The following ATRN variants were observed in gnomAD, a reference collection of about 807,000 sequenced individuals.
The protein encoded by ATRN is attractin, also known as attractin-2.
ATRN carries 54 observed loss-of-function variants against 178.7 expected under a neutral mutation model. The observed-to-expected ratio is 0.30, with a 90% CI of 0.24 to 0.38. The LOEUF (loss-of-function observed/expected upper bound fraction) is 0.38, where lower values mean the gene tolerates loss of function less well. Among genes scored for constraint, ATRN ranks in the 10% least tolerant of loss-of-function variants. The pLI is 1.00. For missense variants in ATRN, 1,443 were observed against 1,815.1 expected (o/e 0.79, Z 3.73); for synonymous variants, 636 against 663.0 (o/e 0.96, Z 0.63).
chr20:3,519,870 AG>A (rs1390541818), intron 1 of ATRN, among the ~76,000 whole-genome samples: 5 of 152,260 alleles, frequency 3.3e-5, no homozygotes, highest in African/African-American at 1.2e-4. Context: ...AGCTACTGAG[AG>A]AAAAATGACT....
intron 3 of ATRN, 132 bp from the exon 4 acceptor site, chr20:3,545,630 A>G (rs1483385202): frequency 3.3e-5 from 37 of 1,125,734 alleles, no homozygotes; most frequent in Non-Finnish European, 4.5e-5. Context: ...TGTGTTTATC[A>G]CAGGAATTTG....
chr20:3,599,163 A>G (rs551915822), intron 22 of ATRN, among the ~76,000 whole-genome samples: 8 of 152,300 alleles, frequency 5.3e-5, no homozygotes, highest in African/African-American at 1.2e-4. Flanking sequence ...TGGAAAAACT[A>G]TAGGTATTAA....
chr20:3,646,923 G>A lies in ATRN; in HGVS notation c.*76G>A, dbSNP rs776187548. The A allele has an allele frequency of 4.3e-5, 68 of 1,571,648 alleles. No homozygotes were observed. Among genetic ancestry groups the A allele is most frequent in the Non-Finnish European group, 4.8e-5 (55 of 1,157,642 alleles). ...AGCCATCTGCAGGGAAGGGCGTGGC[G>A]GGGAAATGGCTGTGCGGTGCGGGAC... On this transcript the variant is annotated 3_prime_UTR_variant, in exon 29 of 29. Transcript: ENST00000262919.
intron 18 of ATRN, among the ~76,000 whole-genome samples, chr20:3,586,308 G>A (rs1054168566): frequency 2.0e-5 from 3 of 152,218 alleles, no homozygotes; most frequent in Non-Finnish European, 4.4e-5. Flanking sequence ...AAAAAAACAT[G>A]CTATGTAAAA....
At chr20:3,579,661 A>G (rs1398258171) in intron 15 of ATRN, among the ~76,000 whole-genome samples, 1 of 152,156 alleles carries the variant, frequency 6.6e-6, no homozygotes, top group Non-Finnish European at 1.5e-5. Context: ...ATATTCCATG[A>G]TCACATTTTG....
At chr20:3,646,005 G>T (rs1441536967) in intron 28 of ATRN, among the ~76,000 whole-genome samples, 1 of 152,206 alleles carries the variant, frequency 6.6e-6, no homozygotes, top group African/African-American at 2.4e-5. Context: ...ATAAAGGGTA[G>T]TTGCTATTGA....
intron 24 of ATRN, 66 bp downstream of exon 24, chr20:3,604,328 A>T: frequency 2.7e-6 from 4 of 1,487,810 alleles, no homozygotes; most frequent in Non-Finnish European, 3.6e-6. Flanking sequence ...GACTAAATTT[A>T]CTAATTTGGA....
intron 1 of ATRN, among the ~76,000 whole-genome samples, chr20:3,496,518 T>G (rs73608158): frequency 3.3e-5 from 5 of 152,024 alleles, no homozygotes; most frequent in Non-Finnish European, 5.9e-5. Context: ...GTCTGAGAGA[T>G]AGTTTGTTAT....
intron 23 of ATRN, among the ~76,000 whole-genome samples, chr20:3,603,733 C>T (rs1028559312): frequency 8.5e-5 from 13 of 152,100 alleles, no homozygotes; most frequent in African/African-American, 2.2e-4. Context: ...GGTGATCCAC[C>T]CGCCTCGGTC....
rs1419917724 is a variant in ATRN at position 3,560,055 on chromosome 20, ATAT to A, written c.1203+573_1203+575del. 2.0e-5 allele frequency among the ~76,000 whole-genome samples: 3 copies of A among 152,170 alleles called. No homozygotes were observed. The East Asian group carries it at 5.8e-4, about 29-fold the overall frequency. On this transcript the variant is annotated intron_variant, in intron 7 of 28. Coordinates refer to ENST00000262919, the MANE Select transcript of ATRN (RefSeq NM_139321.3). ...TTAATTTATTTTTTACTGAGGTAAA[ATAT>A]ACGTATATAATGGTACCATCTTTAC...
At chr20:3,615,736 A>G in intron 24 of ATRN, 1 of 451,326 alleles carries the variant, frequency 2.2e-6, no homozygotes, top group Non-Finnish European at 4.5e-6. Flanking sequence ...TTTGTATTTT[A>G]GTAGAGACAG....
At chr20:3,596,511 A>C (rs905474998) in intron 21 of ATRN, 82 bp downstream of exon 21, 1 of 1,321,466 alleles carries the variant, frequency 7.6e-7, no homozygotes, top group African/African-American at 1.5e-5. Flanking sequence ...GAGAATAGTA[A>C]GTGCTATAAG....
chr20:3,630,626 A>G (rs2595587), intron 25 of ATRN, among the ~76,000 whole-genome samples: 2 of 151,936 alleles, frequency 1.3e-5, no homozygotes, highest in Non-Finnish European at 1.5e-5. Context: ...GGCCACTTCT[A>G]CTGGACATTC....
intron 10 of ATRN, among the ~76,000 whole-genome samples, chr20:3,564,745 T>C (rs2086007692): frequency 6.6e-6 from 1 of 152,202 alleles, no homozygotes; most frequent in Non-Finnish European, 1.5e-5. Context: ...ACATAAGCTT[T>C]GTAGAATGTA....
chr20:3,576,033 G>T, intron 13 of ATRN, 85 bp downstream of exon 13: 1 of 1,382,944 alleles, frequency 7.2e-7, no homozygotes, highest in South Asian at 1.7e-5. Context: ...ATAAATAATG[G>T]CCCAGAGTTA....
rs185032325 is a variant in ATRN, at chr20:3,543,351, A to G, written c.609-2411A>G. On this transcript the variant is annotated intron_variant, in intron 3 of 28. Coordinates refer to ENST00000262919, the MANE Select transcript of ATRN (RefSeq NM_139321.3). ...TAGTAAATATTTGTTAGTTGAATAC[A>G]TAGTAGAAAATGCATCACTGTTTTG... 1.6e-3 allele frequency among the ~76,000 whole-genome samples: 250 copies of G among 152,366 alleles called. 1 individual carries two copies. Among genetic ancestry groups the G allele is most frequent in the Non-Finnish European group, 3.1e-3 (208 of 68,030 alleles).
intron 1 of ATRN, among the ~76,000 whole-genome samples, chr20:3,483,003 C>G (rs1344638462): frequency 6.6e-6 from 1 of 152,162 alleles, no homozygotes; most frequent in Non-Finnish European, 1.5e-5. Flanking sequence ...CAGATACTGA[C>G]CAAGGTCCCC....
chr20:3,622,626 C>T (rs1411904867), intron 24 of ATRN, among the ~76,000 whole-genome samples: 2 of 152,296 alleles, frequency 1.3e-5, no homozygotes, highest in East Asian at 3.9e-4. Context: ...CCGCAGTGGG[C>T]GGGGTATTCA....
intron 1 of ATRN, among the ~76,000 whole-genome samples, chr20:3,513,753 C>T (rs1056682392): frequency 3.3e-5 from 5 of 152,040 alleles, no homozygotes; most frequent in African/African-American, 7.2e-5. Context: ...TTTGTTTGTG[C>T]CCTCTTTTAT....
Sources: allele counts gnomAD v4.1 joint callset (sites outside exome capture counted in the v4.1 genomes callset), GRCh38; gene constraint gnomAD v4.1.1; transcripts MANE v1.5; gene names NCBI Gene and HGNC (gene_info 2026-07-23, HGNC 2026-07-21).